Variants in DYNC1H1 observed in about 807,000 individuals in gnomAD.
DYNC1H1 encodes the protein cytoplasmic dynein 1 heavy chain 1.
In DYNC1H1, 51 loss-of-function variants were observed where a neutral mutation model predicts 527.1. The ratio of observed to expected loss-of-function variants is 0.10; its 90% CI spans 0.08 to 0.12. The LOEUF is 0.12. Ranked by LOEUF, DYNC1H1 falls within the 10% of genes least tolerant of loss-of-function variation. DYNC1H1 has a pLI of 1.00. For missense variants in DYNC1H1, 2,771 were observed against 5,971.8 expected, an observed-to-expected ratio of 0.46 and a Z score of 17.66; for synonymous variants, 2,189 against 2,278.8, an observed-to-expected ratio of 0.96 and a Z score of 1.12.
In DYNC1H1 at chr14:102,011,988, C is replaced by G. The variant is rs572885000; in HGVS notation, c.6732C>G (p.Leu2244=). 3.7e-6 allele frequency: 6 copies of G among 1,614,032 alleles called. No individual in the cohort carries two copies. In the South Asian group the frequency reaches 5.5e-5, roughly 15 times the overall value. The change falls in exon 33 of 78, where the codon CTC becomes CTG. Residue 2244 remains leucine, a synonymous_variant. Transcript: ENST00000360184. This position sits in a 1 kb window ranked among gnomAD's most constrained non-coding sequence, Gnocchi z 5.3. The part of the protein sequence containing the change: ...WRVLLKALER[L]EGVEGVAHII... Reference sequence around the variant, plus strand: ...TCCTGCTGAAGGCATTGGAGAGACTCGAGGGTGTGGAAGGTGTGGCCCATA... The same window carrying G: ...TCCTGCTGAAGGCATTGGAGAGACTGGAGGGTGTGGAAGGTGTGGCCCATA...
Position 102,033,973 on chromosome 14 carries a change from T to G in DYNC1H1, c.10414-3T>G. ...TGAGCATCTTGTTCGGTTTTCCTTT[T>G]AGGTAAACCGGAGCACTGCTCTTCT... On this transcript the variant is annotated splice_polypyrimidine_tract_variant and splice_region_variant and intron_variant, in intron 54 of 77. Coordinates refer to ENST00000360184, the MANE Select transcript of DYNC1H1 (RefSeq NM_001376.5). This position sits in a 1 kb window ranked among gnomAD's most constrained non-coding sequence, Gnocchi z 5.6. 6.2e-7 allele frequency: 1 copy of G among 1,613,790 alleles called. No homozygotes were observed. The highest frequency in any genetic ancestry group is 8.5e-7 in the Non-Finnish European group (1 of 1,179,988).
chr14:101,996,199 G>A (rs1193427335), intron 15 of DYNC1H1, among the ~76,000 whole-genome samples: 6 of 146,876 alleles, frequency 4.1e-5, no homozygotes, highest in Non-Finnish European at 7.5e-5. Context: ...GTGTGATCTC[G>A]GCTCACTGCA....
In DYNC1H1 at chr14:101,991,688, A is replaced by T; in HGVS notation, c.3015+15A>T. The T allele has an allele frequency of 6.2e-7, 1 of 1,613,926 alleles. No individual in the cohort carries two copies. Among genetic ancestry groups the T allele is most frequent in the Middle Eastern group, 1.7e-4 (1 of 6,056 alleles). ...AGAGGTACCAGGTAAGCCTTTGGTG[A>T]CTCGAGGCACACGCCTCTGACCAGG... On this transcript the variant is annotated intron_variant, in intron 11 of 77. Coordinates refer to ENST00000360184, the MANE Select transcript of DYNC1H1 (RefSeq NM_001376.5).
rs2047657345 is a variant in DYNC1H1, at chr14:101,965,553, G to T, written c.256+606G>T. ...CCCACAGAGCGACGGTGCCAGCCCCGGGCCTGCGAGCATCACTGTTGTAGG... is the reference window on the plus strand; with the variant it reads ...CCCACAGAGCGACGGTGCCAGCCCCTGGCCTGCGAGCATCACTGTTGTAGG... On this transcript the variant is annotated intron_variant, in intron 1 of 77. Coordinates refer to ENST00000360184, the MANE Select transcript of DYNC1H1 (RefSeq NM_001376.5). This position sits in a 1 kb window ranked among gnomAD's most constrained non-coding sequence, Gnocchi z 4.1. 6.6e-6 allele frequency among the ~76,000 whole-genome samples: 1 copy of T among 152,116 alleles called. No homozygotes were observed. Among genetic ancestry groups the T allele is most frequent in the Non-Finnish European group, 1.5e-5 (1 of 68,024 alleles).
rs1311727690 is a variant in DYNC1H1 at position 102,047,637 on chromosome 14, G to GTATATATATATA, written c.13007-179_13007-178insATATATATATAT. 988 of 393,890 alleles carry GTATATATATATA rather than the reference G, an allele frequency of 2.5e-3. 14 individuals carry two copies. Among genetic ancestry groups the GTATATATATATA allele is most frequent in the African/African-American group, 0.014 (305 of 22,432 alleles). The allele number at this position is 393,890 out of a possible 1,614,324, so 24.4% of individuals were successfully genotyped here. A position where few individuals can be genotyped will look rare whatever the true frequency, so the allele number is the denominator to read the frequency against. On this transcript the variant is annotated intron_variant, in intron 72 of 77. Coordinates refer to ENST00000360184, the MANE Select transcript of DYNC1H1 (RefSeq NM_001376.5). ...TATATACACGTGTGTGTGTGTGTGTGTGTGTATATATATATATATATATAT... is the reference window on the plus strand; with the variant it reads ...TATATACACGTGTGTGTGTGTGTGTGTATATATATATATGTGTATATATATATATATATATAT...
Position 102,038,306 on chromosome 14 carries a change from G to GT in DYNC1H1, c.10909-153dup. 1 of 1,261,724 alleles carries GT rather than the reference G, an allele frequency of 7.9e-7. No homozygotes were observed. The highest frequency in any genetic ancestry group is 1.1e-6 in the Non-Finnish European group (1 of 897,858). The allele number at this position is 1,261,724 out of a possible 1,614,324, so 78.2% of individuals were successfully genotyped here. On this transcript the variant is annotated intron_variant, in intron 57 of 77. Transcript: ENST00000360184. The surrounding 1 kb of genome is among the most constrained non-coding windows in gnomAD (Gnocchi z 7.2). ...GTTTTTAATTTTAGTTCATTTAAATGTAAGTAGCCACACATAGCTAGTGGC... is the reference window on the plus strand; with the variant it reads ...GTTTTTAATTTTAGTTCATTTAAATGTTAAGTAGCCACACATAGCTAGTGGC...
intron 44 of DYNC1H1, 70 bp downstream of exon 44, chr14:102,026,777 C>A: frequency 6.3e-7 from 1 of 1,580,158 alleles, no homozygotes; most frequent in South Asian, 1.1e-5. Flanking sequence ...TGTGCCGGGT[C>A]ACACCAGGCC....
rs748888140 is a variant in DYNC1H1, at chr14:102,050,374, G to T, written c.13813-61G>T. ...TGCCGGGCCCCATCAGCTGTCCCGG[G>T]CAGTCTTCCAGTTTTCTTACTTTTC... On this transcript the variant is annotated intron_variant, in intron 77 of 77. Transcript: ENST00000360184. 8.9e-5 allele frequency: 143 copies of T among 1,613,712 alleles called. 1 individual carries two copies. Among genetic ancestry groups the T allele is most frequent in the Admixed American group, 8.3e-5 (5 of 60,000 alleles).
In DYNC1H1 at chr14:102,019,975, C is replaced by T. The variant is rs759983101; in HGVS notation, c.8426C>T (p.Ala2809Val). The T allele has an allele frequency of 5.0e-6, 8 of 1,614,060 alleles. No individual in the cohort carries two copies. Among genetic ancestry groups the T allele is most frequent in the African/African-American group, 2.7e-5 (2 of 74,910 alleles). The change falls in exon 42 of 78, where the codon GCG (alanine) becomes GTG (valine). Residue 2809 changes from alanine to valine, a missense_variant. By Grantham distance (64) the Ala-to-Val change is moderately conservative. Transcript: ENST00000360184. ...AGGTGGGTGAGAGGCATCTTTGAAG[C>T]GCTGAGACCTCTGGAGACCCTGCCT... ...MTRWVRGIFE[A>V]LRPLETLPVE...
In DYNC1H1 at chr14:102,029,914, C is replaced by G; in HGVS notation, c.9738C>G (p.Asp3246Glu). 6.2e-7 allele frequency: 1 copy of G among 1,614,052 alleles called. No individual in the cohort carries two copies. The change falls in exon 50 of 78, where the codon GAC becomes GAG. Residue 3246 changes from aspartate to glutamate, a missense_variant. Physicochemically the swap from Asp to Glu is conservative, Grantham distance 45 (BLOSUM62 2). Transcript: ENST00000360184. The surrounding 1 kb of genome is among the most constrained non-coding windows in gnomAD (Gnocchi z 5.3). ...ACAAGCTGAAAAAGATGGTGAAAGA[C>G]CAGCAGGAGGCTGAAAAGAAGAAGG... The part of the protein sequence containing the change: ...ANDKLKKMVK[D>E]QQEAEKKKVM...
intron 51 of DYNC1H1, 73 bp downstream of exon 51, chr14:102,030,355 C>T (rs2048496726): frequency 6.2e-7 from 1 of 1,602,204 alleles, no homozygotes; most frequent in African/African-American, 1.3e-5. Context: ...GAGTTCAGGT[C>T]ACTGAACATT....
chr14:102,019,787 G>T, intron 41 of DYNC1H1, 106 bp from the exon 42 acceptor site: 17 of 1,412,576 alleles, frequency 1.2e-5, no homozygotes, highest in South Asian at 7.0e-5. Context: ...ATATTTCAGG[G>T]TCTAGGTTCT....
In DYNC1H1 at chr14:102,041,448, T is replaced by C; in HGVS notation, c.11942-126T>C. On this transcript the variant is annotated intron_variant, in intron 64 of 77. Transcript: ENST00000360184. The surrounding 1 kb of genome is among the most constrained non-coding windows in gnomAD (Gnocchi z 4.5). Reference sequence around the variant, plus strand: ...CAGCAGATGTGGCTGAATTTCCTGATTTGAGCTGATCCTGAAATGCTGAGC... The same window carrying C: ...CAGCAGATGTGGCTGAATTTCCTGACTTGAGCTGATCCTGAAATGCTGAGC... 2 of 1,501,230 alleles carry C rather than the reference T, an allele frequency of 1.3e-6. No individual in the cohort carries two copies. The highest frequency in any genetic ancestry group is 9.2e-7 in the Non-Finnish European group (1 of 1,087,356). The allele number at this position is 1,501,230 out of a possible 1,614,324, so 93.0% of individuals were successfully genotyped here. A position where few individuals can be genotyped will look rare whatever the true frequency, so the allele number is the denominator to read the frequency against.
At chr14:102,006,477 C>G (rs576488493) in intron 27 of DYNC1H1, among the ~76,000 whole-genome samples, 91 of 152,004 alleles carry the variant, frequency 6.0e-4, no homozygotes, top group African/African-American at 2.1e-3. Flanking sequence ...TGGTGACCCC[C>G]TCACCTTGGC....
At chr14:102,023,553 G>GA (rs1023975843) in intron 43 of DYNC1H1, 134 of 152,206 alleles carry the variant, frequency 8.8e-4, no homozygotes, top group South Asian at 2.9e-3. Context: ...CTGTCTCAAA[G>GA]AAAAAAAAAA....
In DYNC1H1 at chr14:102,051,871, T is replaced by TAG. The variant is rs1480690591; in HGVS notation, c.*1312_*1313dup. 2 of 152,070 alleles carry TAG rather than the reference T, an allele frequency of 1.3e-5. No homozygotes were observed. The highest frequency in any genetic ancestry group is 2.9e-5 in the Non-Finnish European group (2 of 68,004). The allele number at this position is 152,070 out of a possible 1,614,324, so 9.4% of individuals were successfully genotyped here. A position where few individuals can be genotyped will look rare whatever the true frequency, so the allele number is the denominator to read the frequency against. On this transcript the variant is annotated 3_prime_UTR_variant, in exon 78 of 78. Coordinates refer to ENST00000360184, the MANE Select transcript of DYNC1H1 (RefSeq NM_001376.5). ...GCCCAGCTAATTACTATATTTTTAGTAGAGACAGGGCTTCACCGTGTTGGC... is the reference window on the plus strand; with the variant it reads ...GCCCAGCTAATTACTATATTTTTAGTAGAGAGACAGGGCTTCACCGTGTTGGC...
Position 102,012,210 on chromosome 14 carries a change from G to A in DYNC1H1, c.6857+97G>A, listed in dbSNP as rs565864178. The A allele has an allele frequency of 1.2e-6, 2 of 1,612,124 alleles. No homozygotes were observed. The highest frequency in any genetic ancestry group is 3.3e-5 in the Admixed American group (2 of 60,022). Reference sequence around the variant, plus strand: ...GAGTATACGTTATTTTTCAACCAAAGTCTGAGCAAATTAAAGGTCATTTCA... The same window carrying A: ...GAGTATACGTTATTTTTCAACCAAAATCTGAGCAAATTAAAGGTCATTTCA... On this transcript the variant is annotated intron_variant, in intron 33 of 77. Coordinates refer to ENST00000360184, the MANE Select transcript of DYNC1H1 (RefSeq NM_001376.5). The surrounding 1 kb of genome is among the most constrained non-coding windows in gnomAD (Gnocchi z 4.9).
At position 102,012,247 on chromosome 14, in the gene DYNC1H1, CG is replaced by C; in HGVS notation, c.6858-65del. On this transcript the variant is annotated intron_variant, in intron 33 of 77. Transcript: ENST00000360184. This position sits in a 1 kb window ranked among gnomAD's most constrained non-coding sequence, Gnocchi z 4.9. The stretch of plus-strand genomic sequence containing the variant: ...TAAAGGTCATTTCAGAAACCATCAT[CG>C]GTAAACATGCCTAATGTTAAAATCT... The C allele has an allele frequency of 6.2e-7, 1 of 1,612,856 alleles. No individual in the cohort carries two copies. The highest frequency in any genetic ancestry group is 8.5e-7 in the Non-Finnish European group (1 of 1,178,968).
At chr14:101,999,006 C>T (rs113759150) in intron 16 of DYNC1H1, among the ~76,000 whole-genome samples, 2 of 151,358 alleles carry the variant, frequency 1.3e-5, no homozygotes, top group Admixed American at 6.6e-5. Flanking sequence ...CTCAGCCTCC[C>T]GAGTAGCTGG....
Sources: gnomAD v4.1 joint callset for allele counts (sites outside exome capture counted in the v4.1 genomes callset) on GRCh38, gnomAD v4.1.1 for gene constraint, Gnocchi (gnomAD v3.1) non-coding constraint, MANE v1.5 for transcripts, NCBI Gene and HGNC (gene_info 2026-07-23, HGNC 2026-07-21) for gene names.